The following SMG1 variants were observed in gnomAD, a reference collection of about 807,000 sequenced individuals.
SMG1 encodes the protein SMG1 nonsense mediated mRNA decay associated PI3K related kinase, also known as serine/threonine-protein kinase SMG1.
Under a neutral mutation model 419.9 loss-of-function variants are expected in SMG1, and 22 were observed. That is an observed-to-expected ratio of 0.05 (90% confidence interval 0.04 to 0.07). The LOEUF (loss-of-function observed/expected upper bound fraction) is 0.07, where lower values mean the gene tolerates loss of function less well. Among genes scored for constraint, SMG1 ranks in the 10% least tolerant of loss-of-function variants. The pLI is 1.00. For missense variants in SMG1, 3,185 were observed against 4,342.0 expected (o/e 0.73, Z 7.49); for synonymous variants, 1,538 against 1,553.5 (o/e 0.99, Z 0.23).
At chr16:18,906,900 T>C (rs1415803064) in intron 1 of SMG1, among the ~76,000 whole-genome samples, 2 of 152,216 alleles carry the variant, frequency 1.3e-5, no homozygotes, top group African/African-American at 2.4e-5. Context: ...TTTCAGCAGC[T>C]TTCACAGGGC....
chr16:18,911,079 A>G (rs183297116), intron 1 of SMG1, among the ~76,000 whole-genome samples: 181 of 152,348 alleles, frequency 1.2e-3, no homozygotes, highest in African/African-American at 4.2e-3. Flanking sequence ...CTGGCTTATC[A>G]TTTCAACTAG....
chr16:18,836,030 C>T lies in SMG1; in HGVS notation c.7960G>A (p.Ala2654Thr), dbSNP rs780141624. 4 of 1,582,248 alleles carry T rather than the reference C, an allele frequency of 2.5e-6. No homozygotes were observed. Among genetic ancestry groups the T allele is most frequent in the Admixed American group, 3.7e-5 (2 of 54,722 alleles). The change falls in exon 48 of 63, where the codon GCC becomes ACC. Residue 2654 changes from alanine to threonine, a missense_variant. Ala to Thr is a moderately conservative substitution (Grantham distance 58). Coordinates refer to ENST00000446231, the MANE Select transcript of SMG1 (RefSeq NM_015092.5). Reference sequence around the variant, plus strand: ...TCAATTCGATGTTTCTGAAATATGGCCTTCGGATACTGCAGGGCCACGGTT... The same window carrying T: ...TCAATTCGATGTTTCTGAAATATGGTCTTCGGATACTGCAGGGCCACGGTT... ...YATVALQYPKAIFQKHRIEQW... is the reference protein window; with the variant it reads ...YATVALQYPKTIFQKHRIEQW...
At chr16:18,905,543 T>C (rs2037525782) in intron 1 of SMG1, among the ~76,000 whole-genome samples, 1 of 152,168 alleles carries the variant, frequency 6.6e-6, no homozygotes, top group African/African-American at 2.4e-5. Flanking sequence ...TTATGAGTTT[T>C]TTAGTTAACT....
Position 18,809,283 on chromosome 16 carries a change from G to T in SMG1, c.*286C>A. The T allele has an allele frequency of 2.6e-6, 1 of 390,128 alleles. No homozygotes were observed. The allele number at this position is 390,128 out of a possible 1,614,324, so 24.2% of individuals were successfully genotyped here. A position where few individuals can be genotyped will look rare whatever the true frequency, so the allele number is the denominator to read the frequency against. ...CTTTCCGCAGCTAACCTCCCGACACGTCTGCTGCTGTTCTGTGGCAGAAAG... is the reference window on the plus strand; with the variant it reads ...CTTTCCGCAGCTAACCTCCCGACACTTCTGCTGCTGTTCTGTGGCAGAAAG... On this transcript the variant is annotated 3_prime_UTR_variant, in exon 63 of 63. Transcript: ENST00000446231.
In SMG1 at chr16:18,816,599, C is replaced by T. The variant is rs2032023635; in HGVS notation, c.10075-70G>A. ...TAATGAGTTCTTTCTTCATTAACATCATCAAAAGATATTAGTAACTCAAGC... is the reference window on the plus strand; with the variant it reads ...TAATGAGTTCTTTCTTCATTAACATTATCAAAAGATATTAGTAACTCAAGC... On this transcript the variant is annotated intron_variant, in intron 57 of 62. Transcript: ENST00000446231. 2.3e-6 allele frequency: 3 copies of T among 1,288,320 alleles called. No individual in the cohort carries two copies. The East Asian group carries it at 7.2e-5, about 31-fold the overall frequency. The allele number at this position is 1,288,320 out of a possible 1,614,324, so 79.8% of individuals were successfully genotyped here. A position where few individuals can be genotyped will look rare whatever the true frequency, so the allele number is the denominator to read the frequency against.
At chr16:18,903,882 T>C (rs35855951) in intron 1 of SMG1, among the ~76,000 whole-genome samples, 46,039 of 150,204 alleles carry the variant, frequency 0.31, 7,814 homozygotes, top group Non-Finnish European at 0.38. Flanking sequence ...CTCCTATCCA[T>C]AGAGATCATC....
chr16:18,901,560 T>C (rs1332526786), intron 1 of SMG1, among the ~76,000 whole-genome samples: 1 of 152,182 alleles, frequency 6.6e-6, no homozygotes, highest in Admixed American at 6.5e-5. Context: ...CAATATAGAC[T>C]GATAAGATAT....
At chr16:18,844,691 A>G (rs368171407) in intron 39 of SMG1, among the ~76,000 whole-genome samples, 3 of 151,744 alleles carry the variant, frequency 2.0e-5, no homozygotes, top group African/African-American at 7.3e-5. Flanking sequence ...TGCATTTGCT[A>G]AAGTTGGCTG....
chr16:18,903,877 A>G (rs1269150811), intron 1 of SMG1, among the ~76,000 whole-genome samples: 1 of 149,200 alleles, frequency 6.7e-6, no homozygotes, highest in African/African-American at 2.5e-5. Context: ...TAAACCTCCT[A>G]TCCATAGAGA....
chr16:18,908,037 T>C (rs2037639739), intron 1 of SMG1, among the ~76,000 whole-genome samples: 1 of 151,640 alleles, frequency 6.6e-6, no homozygotes, highest in African/African-American at 2.4e-5. Context: ...AGGCTGAAAA[T>C]GTACAAAGAT....
In SMG1 at chr16:18,853,572, A is replaced by G. The variant is rs1213149169; in HGVS notation, c.4768+11T>C. 1.3e-6 allele frequency: 2 copies of G among 1,547,880 alleles called. No individual in the cohort carries two copies. Among genetic ancestry groups the G allele is most frequent in the South Asian group, 1.2e-5 (1 of 81,360 alleles). ...AAAATTAATATTCTAAAGCTAATAAAGCAACTCTACCTGTAGATTCACTCT... is the reference window on the plus strand; with the variant it reads ...AAAATTAATATTCTAAAGCTAATAAGGCAACTCTACCTGTAGATTCACTCT... On this transcript the variant is annotated intron_variant, in intron 31 of 62. Transcript: ENST00000446231.
At chr16:18,864,193 T>C (rs754132147) in intron 23 of SMG1, 49 bp from the exon 24 acceptor site, 20,960 of 1,197,220 alleles carry the variant, frequency 0.018, 92 homozygotes, top group Middle Eastern at 0.03. Flanking sequence ...CTTACTTTTT[T>C]TTTTTTTTTT....
At position 18,807,259 on chromosome 16, in the gene SMG1, T is replaced by C. The variant is rs1567300730; in HGVS notation, c.*2310A>G. 1.3e-5 allele frequency: 2 copies of C among 152,200 alleles called. No homozygotes were observed. Among genetic ancestry groups the C allele is most frequent in the South Asian group, 4.1e-4 (2 of 4,824 alleles). 9.4% of individuals were successfully genotyped at this position (152,200 alleles called of 1,614,324 possible). ...CTAAACTAATGTGAACTGACTATCATTGCGATAAAAGTTTTTCCTTATGAT... is the reference window on the plus strand; with the variant it reads ...CTAAACTAATGTGAACTGACTATCACTGCGATAAAAGTTTTTCCTTATGAT... On this transcript the variant is annotated 3_prime_UTR_variant, in exon 63 of 63. Transcript: ENST00000446231.
intron 36 of SMG1, 148 bp downstream of exon 36, chr16:18,849,069 C>CAAAAAAAAAAAAAAAAAAAAA (rs58373081): frequency 1.8e-5 from 2 of 110,712 alleles, no homozygotes; most frequent in African/African-American, 1.5e-4. Context: ...GACTCCATCT[C>CAAAAAAAAAAAAAAAAAAAAA]AAAAAAAAAA....
chr16:18,806,403 G>C lies in SMG1; in HGVS notation c.*3166C>G, dbSNP rs1282814110. ...AAGCAGATCAAGAGCCTGATTATCAGTTCTCACATGGAAATCTCAACAGAT... is the reference window on the plus strand; with the variant it reads ...AAGCAGATCAAGAGCCTGATTATCACTTCTCACATGGAAATCTCAACAGAT... On this transcript the variant is annotated 3_prime_UTR_variant, in exon 63 of 63. Coordinates refer to ENST00000446231, the MANE Select transcript of SMG1 (RefSeq NM_015092.5). The C allele has an allele frequency of 6.6e-6, 1 of 152,586 alleles. No individual in the cohort carries two copies. The highest frequency in any genetic ancestry group is 2.4e-5 in the African/African-American group (1 of 41,442). 9.5% of individuals were successfully genotyped at this position (152,586 alleles called of 1,614,324 possible).
intron 38 of SMG1, 120 bp from the exon 39 acceptor site, chr16:18,845,771 T>C: frequency 1.4e-6 from 1 of 705,608 alleles, no homozygotes; most frequent in Non-Finnish European, 2.3e-6. Flanking sequence ...TAAGTCTAAA[T>C]AAAGCAATAA....
At chr16:18,815,910 C>A (rs754127439) in intron 58 of SMG1, 2 of 494,914 alleles carry the variant, frequency 4.0e-6, no homozygotes, top group Admixed American at 3.7e-5. Context: ...TTCTTACTTA[C>A]TAGACTATGT....
At chr16:18,900,668 T>C (rs1001061020) in intron 1 of SMG1, among the ~76,000 whole-genome samples, 8 of 152,218 alleles carry the variant, frequency 5.3e-5, no homozygotes, top group Non-Finnish European at 8.8e-5. Flanking sequence ...TTTGCTCTCA[T>C]GGTGAGATCT....
chr16:18,812,722 C>A (rs1002585849), intron 60 of SMG1, among the ~76,000 whole-genome samples: 1 of 151,832 alleles, frequency 6.6e-6, no homozygotes, highest in Non-Finnish European at 1.5e-5. Flanking sequence ...GCACAACATG[C>A]AGGTTTGTTG....
Sources: allele counts gnomAD v4.1 joint callset (sites outside exome capture counted in the v4.1 genomes callset), GRCh38; gene constraint gnomAD v4.1.1; transcripts MANE v1.5; gene names NCBI Gene and HGNC (gene_info 2026-07-23, HGNC 2026-07-21).